The following ADAM22 variants were observed in gnomAD, a reference collection of about 807,000 sequenced individuals.
ADAM22 encodes the protein ADAM metallopeptidase domain 22, also known as disintegrin and metalloproteinase domain-containing protein 22.
ADAM22 carries 65 observed loss-of-function variants against 144.6 expected under a neutral mutation model. The observed-to-expected ratio is 0.45, with a 90% confidence interval of 0.37 to 0.55. ADAM22 has a LOEUF of 0.55. Ranked by LOEUF, ADAM22 falls within the 20% of genes least tolerant of loss-of-function variation. The pLI is 0.00. For missense variants in ADAM22, 974 were observed against 1,184.9 expected, an observed-to-expected ratio of 0.82 and a Z score of 2.61; for synonymous variants, 391 against 412.6, an observed-to-expected ratio of 0.95 and a Z score of 0.63.
chr7:88,023,441 A>T (rs974661052), intron 3 of ADAM22, among the ~76,000 whole-genome samples: 9 of 152,144 alleles, frequency 5.9e-5, no homozygotes, highest in African/African-American at 2.2e-4. Context: ...TTATTTAGAG[A>T]TGGAGTCTTG....
intron 4 of ADAM22, among the ~76,000 whole-genome samples, chr7:88,100,632 C>T (rs950916510): frequency 6.6e-6 from 1 of 152,052 alleles, no homozygotes; most frequent in African/African-American, 2.4e-5. Context: ...TAAGAATTTC[C>T]ATTATGCAGC....
chr7:88,054,588 C>CTGTGTG (rs58027941), intron 3 of ADAM22, among the ~76,000 whole-genome samples: 5,284 of 132,208 alleles, frequency 0.04, 269 homozygotes, highest in African/African-American at 0.096. Flanking sequence ...AGGTGCCCTC[C>CTGTGTG]TGTGTGTGTG....
chr7:87,948,525 A>C (rs546207684), intron 2 of ADAM22, among the ~76,000 whole-genome samples: 1 of 152,294 alleles, frequency 6.6e-6, no homozygotes, highest in South Asian at 2.1e-4. Flanking sequence ...CTCACTGCTC[A>C]TAATCCCCTG....
intron 14 of ADAM22, 127 bp from the exon 15 acceptor site, chr7:88,142,899 C>A: frequency 1.8e-6 from 1 of 552,892 alleles, no homozygotes; most frequent in South Asian, 2.6e-5. Flanking sequence ...ATATAAATGT[C>A]ATACATAAGT....
intron 18 of ADAM22, 88 bp from the exon 19 acceptor site, chr7:88,150,893 A>T (rs538181467): frequency 8.7e-7 from 1 of 1,147,058 alleles, no homozygotes; most frequent in South Asian, 1.3e-5. Context: ...ATTAACAAAT[A>T]TGTTTTTAAA....
intron 4 of ADAM22, among the ~76,000 whole-genome samples, chr7:88,082,532 C>A (rs1263194942): frequency 6.6e-6 from 1 of 152,130 alleles, no homozygotes; most frequent in South Asian, 2.1e-4. Context: ...AAAGAAACCA[C>A]CATCAGAGTG....
chr7:87,992,229 A>G (rs534399734), intron 3 of ADAM22, among the ~76,000 whole-genome samples: 13 of 152,202 alleles, frequency 8.5e-5, no homozygotes, highest in Non-Finnish European at 1.9e-4. Flanking sequence ...TCTAAAGCAG[A>G]GGAAAGAGAT....
At chr7:88,111,754 AAAAC>A (rs1826099775) in intron 5 of ADAM22, among the ~76,000 whole-genome samples, 1 of 152,210 alleles carries the variant, frequency 6.6e-6, no homozygotes, top group Non-Finnish European at 1.5e-5. Context: ...TTATATAAGT[AAAAC>A]AAAAATATTT....
chr7:88,030,109 T>A (rs1799901519), intron 3 of ADAM22, among the ~76,000 whole-genome samples: 1 of 152,146 alleles, frequency 6.6e-6, no homozygotes. Flanking sequence ...TTTAATTTAA[T>A]TTGCCCCTTT....
chr7:87,959,037 T>C (rs1847451936), intron 2 of ADAM22, among the ~76,000 whole-genome samples: 1 of 152,214 alleles, frequency 6.6e-6, no homozygotes, highest in Non-Finnish European at 1.5e-5. Context: ...GTGTATTACT[T>C]TATCACTGTG....
intron 2 of ADAM22, among the ~76,000 whole-genome samples, chr7:87,945,332 A>G (rs994480840): frequency 1.3e-5 from 2 of 152,164 alleles, no homozygotes; most frequent in Admixed American, 6.5e-5. Flanking sequence ...ATGGTTTGCC[A>G]TAGATTGTGA....
intron 4 of ADAM22, among the ~76,000 whole-genome samples, chr7:88,083,254 C>T (rs541430767): frequency 2.0e-5 from 3 of 151,904 alleles, no homozygotes; most frequent in Admixed American, 6.6e-5. Context: ...AACCAAACAC[C>T]GCATGTTCTC....
chr7:88,128,182 A>G (rs369549275), intron 8 of ADAM22, among the ~76,000 whole-genome samples: 2 of 152,066 alleles, frequency 1.3e-5, no homozygotes, highest in Non-Finnish European at 2.9e-5. Flanking sequence ...AATGCTCTTC[A>G]TATGTTACTA....
intron 3 of ADAM22, among the ~76,000 whole-genome samples, chr7:88,050,503 A>G (rs928071589): frequency 4.8e-5 from 7 of 144,988 alleles, no homozygotes; most frequent in Non-Finnish European, 1.0e-4. Context: ...AAAAAAAAAG[A>G]AAGAAATTAA....
intron 2 of ADAM22, among the ~76,000 whole-genome samples, chr7:87,961,772 T>A (rs893892212): frequency 6.6e-6 from 1 of 152,168 alleles, no homozygotes; most frequent in Admixed American, 6.5e-5. Flanking sequence ...TAGGGCTAAA[T>A]TGCATTAAGA....
intron 1 of ADAM22, 152 bp from the exon 2 acceptor site, chr7:87,934,874 C>A: frequency 9.1e-7 from 1 of 1,100,530 alleles, no homozygotes; most frequent in Non-Finnish European, 1.3e-6. Flanking sequence ...GGGCTGGTGT[C>A]TCTGCGTCCT....
chr7:88,108,811 A>G (rs1473420960), intron 5 of ADAM22, among the ~76,000 whole-genome samples: 2 of 152,090 alleles, frequency 1.3e-5, no homozygotes, highest in Non-Finnish European at 2.9e-5. Flanking sequence ...TTGTCAAGAA[A>G]AAAGATAAGC....
intron 4 of ADAM22, among the ~76,000 whole-genome samples, chr7:88,084,496 G>A (rs754564681): frequency 1.4e-4 from 21 of 152,032 alleles, no homozygotes; most frequent in Non-Finnish European, 2.5e-4. Context: ...TCTCCTCTGG[G>A]TTTTTCCAGG....
chr7:88,098,556 GT>G (rs1822070422), intron 4 of ADAM22, among the ~76,000 whole-genome samples: 1 of 152,038 alleles, frequency 6.6e-6, no homozygotes, highest in Admixed American at 6.6e-5. Context: ...CCGATGGTTG[GT>G]GTCCTTACCA....
Sources: gnomAD v4.1 joint callset for allele counts (sites outside exome capture counted in the v4.1 genomes callset) on GRCh38, gnomAD v4.1.1 for gene constraint, MANE v1.5 for transcripts, NCBI Gene and HGNC (gene_info 2026-07-23, HGNC 2026-07-21) for gene names.